Variants in SLC2A13 observed in about 807,000 individuals in gnomAD.
The protein encoded by SLC2A13 is solute carrier family 2 member 13, also known as proton myo-inositol cotransporter.
SLC2A13 carries 32 observed loss-of-function variants against 64.4 expected under a neutral mutation model. The ratio of observed to expected loss-of-function variants is 0.50; its 90% CI spans 0.37 to 0.67. SLC2A13 has a LOEUF of 0.67. SLC2A13 is among the 30% of genes least tolerant of loss of function. The pLI is 0.00. For missense variants in SLC2A13, 743 were observed against 829.2 expected (o/e 0.90, Z 1.28); for synonymous variants, 338 against 327.1 (o/e 1.03, Z -0.36).
intron 1 of SLC2A13, among the ~76,000 whole-genome samples, chr12:40,049,146 TC>T: frequency 6.6e-6 from 1 of 152,198 alleles, no homozygotes; most frequent in East Asian, 1.9e-4. Flanking sequence ...GTTATAGTAT[TC>T]AGCCTTACCC....
At position 39,758,815 on chromosome 12, in the gene SLC2A13, C is replaced by T. The variant is rs1438015970; in HGVS notation, c.*1211G>A. 2 of 150,912 alleles carry T rather than the reference C, an allele frequency of 1.3e-5. No individual in the cohort carries two copies. The highest frequency in any genetic ancestry group is 3.0e-5 in the Non-Finnish European group (2 of 67,642). 9.3% of individuals were successfully genotyped at this position (150,912 alleles called of 1,614,324 possible). A position where few individuals can be genotyped will look rare whatever the true frequency, so the allele number is the denominator to read the frequency against. On this transcript the variant is annotated 3_prime_UTR_variant, in exon 10 of 10. Transcript: ENST00000280871. ...ATCTTTTTTTTTTCTGGTAAATTCT[C>T]AGGAAAATGAGAAAAGTGTGCAAAA...
intron 4 of SLC2A13, among the ~76,000 whole-genome samples, chr12:39,928,944 A>T (rs1377112641): frequency 6.6e-6 from 1 of 152,192 alleles, no homozygotes. Context: ...AATCAACAAG[A>T]TGCCTCCCCC....
At chr12:39,785,024 T>G (rs1469393146) in intron 7 of SLC2A13, among the ~76,000 whole-genome samples, 1 of 152,162 alleles carries the variant, frequency 6.6e-6, no homozygotes, top group African/African-American at 2.4e-5. Flanking sequence ...ATTTGCAGCC[T>G]TATGATGTAG....
intron 4 of SLC2A13, among the ~76,000 whole-genome samples, chr12:39,907,010 G>A (rs1387881147): frequency 6.6e-6 from 1 of 151,940 alleles, no homozygotes; most frequent in South Asian, 2.1e-4. Flanking sequence ...TGTATATAGT[G>A]AGTTATTTAT....
intron 7 of SLC2A13, among the ~76,000 whole-genome samples, chr12:39,782,683 G>A (rs979642753): frequency 6.6e-6 from 1 of 152,130 alleles, no homozygotes; most frequent in African/African-American, 2.4e-5. Context: ...ACAAAGGTTG[G>A]AACAGTTTGG....
intron 4 of SLC2A13, among the ~76,000 whole-genome samples, chr12:39,896,894 T>C (rs1023851074): frequency 6.6e-6 from 1 of 152,156 alleles, no homozygotes; most frequent in Non-Finnish European, 1.5e-5. Context: ...ACACGTGTCC[T>C]TTTCCCATTT....
At chr12:39,986,194 T>C (rs189572891) in intron 3 of SLC2A13, among the ~76,000 whole-genome samples, 1 of 152,144 alleles carries the variant, frequency 6.6e-6, no homozygotes, top group East Asian at 1.9e-4. Flanking sequence ...GGATTTATAT[T>C]AGGAGATGGG....
At chr12:40,090,341 A>G (rs563208395) in intron 1 of SLC2A13, among the ~76,000 whole-genome samples, 1 of 152,258 alleles carries the variant, frequency 6.6e-6, no homozygotes, top group East Asian at 1.9e-4. Context: ...TCCCTTTTTA[A>G]CAATTAAGGC....
chr12:39,917,175 T>C (rs1945534151), intron 4 of SLC2A13, among the ~76,000 whole-genome samples: 1 of 152,082 alleles, frequency 6.6e-6, no homozygotes, highest in Non-Finnish European at 1.5e-5. Flanking sequence ...GAGAAGCATT[T>C]GGAGCTTTGA....
intron 6 of SLC2A13, among the ~76,000 whole-genome samples, chr12:39,856,037 A>G (rs1943599151): frequency 6.6e-6 from 1 of 152,216 alleles, no homozygotes; most frequent in Non-Finnish European, 1.5e-5. Context: ...ATCATGCTGT[A>G]GCCATGAGTA....
At position 40,105,931 on chromosome 12, in the gene SLC2A13, C is replaced by T; in HGVS notation, c.-123G>A. The T allele has an allele frequency of 8.4e-7, 1 of 1,191,350 alleles. No individual in the cohort carries two copies. Among genetic ancestry groups the T allele is most frequent in the Non-Finnish European group, 1.1e-6 (1 of 937,392 alleles). The allele number at this position is 1,191,350 out of a possible 1,614,324, so 73.8% of individuals were successfully genotyped here. A position where few individuals can be genotyped will look rare whatever the true frequency, so the allele number is the denominator to read the frequency against. On this transcript the variant is annotated 5_prime_UTR_variant, in exon 1 of 10. Coordinates refer to ENST00000280871, the MANE Select transcript of SLC2A13 (RefSeq NM_052885.4). The surrounding 1 kb of genome is among the most constrained non-coding windows in gnomAD (Gnocchi z 4.2). ...CCGCCGCTTTCTTCCTCCCGGCTTC[C>T]GCTCCGGCTGCCACGGCAGCAGCCG...
At chr12:40,081,047 G>C (rs1261824670) in intron 1 of SLC2A13, among the ~76,000 whole-genome samples, 1 of 152,132 alleles carries the variant, frequency 6.6e-6, no homozygotes, top group Non-Finnish European at 1.5e-5. Flanking sequence ...CTTCTGGCTT[G>C]TAAGATTTCT....
At chr12:39,984,252 T>C (rs547291) in intron 3 of SLC2A13, among the ~76,000 whole-genome samples, 128,823 of 150,962 alleles carry the variant, frequency 0.85, 55,032 homozygotes, top group Non-Finnish European at 0.86. Flanking sequence ...GTGGGTGCAG[T>C]GCACCAGCAC....
At chr12:39,914,461 T>C (rs781237019) in intron 4 of SLC2A13, among the ~76,000 whole-genome samples, 5 of 151,970 alleles carry the variant, frequency 3.3e-5, no homozygotes, top group Admixed American at 1.3e-4. Flanking sequence ...GCAAGTGCCA[T>C]AGCAAATTTC....
intron 3 of SLC2A13, among the ~76,000 whole-genome samples, chr12:40,014,682 C>T (rs1052531684): frequency 1.6e-4 from 24 of 151,912 alleles, no homozygotes; most frequent in African/African-American, 4.6e-4. Flanking sequence ...TTAGTCAAGA[C>T]GGGGTTTCTT....
intron 6 of SLC2A13, among the ~76,000 whole-genome samples, chr12:39,849,119 T>C (rs748550810): frequency 2.0e-5 from 3 of 152,082 alleles, no homozygotes; most frequent in Non-Finnish European, 4.4e-5. Flanking sequence ...AACAAGCCCC[T>C]GTGACATGTT....
chr12:39,890,957 A>G (rs1210300249), intron 4 of SLC2A13, among the ~76,000 whole-genome samples: 14 of 152,140 alleles, frequency 9.2e-5, no homozygotes, highest in Admixed American at 9.2e-4. Flanking sequence ...ACATGATGCA[A>G]AGTGAAATGT....
At chr12:39,919,641 T>C (rs1172005457) in intron 4 of SLC2A13, among the ~76,000 whole-genome samples, 2 of 152,102 alleles carry the variant, frequency 1.3e-5, no homozygotes, top group African/African-American at 2.4e-5. Context: ...TAGACCAGTG[T>C]ATAAAAGGTT....
At chr12:40,027,609 G>A (rs1178868451) in intron 3 of SLC2A13, among the ~76,000 whole-genome samples, 2 of 152,166 alleles carry the variant, frequency 1.3e-5, no homozygotes, top group South Asian at 2.1e-4. Flanking sequence ...TCTCAGGTAT[G>A]AAAAATAATT....
Sources: gnomAD v4.1 joint callset for allele counts (sites outside exome capture counted in the v4.1 genomes callset) on GRCh38, gnomAD v4.1.1 for gene constraint, Gnocchi (gnomAD v3.1) non-coding constraint, MANE v1.5 for transcripts, NCBI Gene and HGNC (gene_info 2026-07-23, HGNC 2026-07-21) for gene names.